DNHD1: variants seen among roughly 807,000 people sequenced by gnomAD.
The protein encoded by DNHD1 is dynein heavy chain domain-containing protein 1.
Under a neutral mutation model 458.1 loss-of-function variants are expected in DNHD1, and 383 were observed. That is an observed-to-expected ratio of 0.84 (90% CI 0.77 to 0.91). The LOEUF (loss-of-function observed/expected upper bound fraction) is 0.91. Ranked by LOEUF, DNHD1 falls within the 40% of genes least tolerant of loss-of-function variation. The pLI is 0.00. For missense variants in DNHD1, 5,336 were observed against 5,866.1 expected (o/e 0.91, Z 2.95); for synonymous variants, 2,203 against 2,376.9 (o/e 0.93, Z 2.13).
At chr11:6,569,158 G>A (rs1853780723) in intron 39 of DNHD1, among the ~76,000 whole-genome samples, 1 of 152,174 alleles carries the variant, frequency 6.6e-6, no homozygotes, top group Non-Finnish European at 1.5e-5. Flanking sequence ...TGAGGAGGGA[G>A]AAGTAAGGTT....
chr11:6,548,776 C>T lies in DNHD1; in HGVS notation c.7230C>T (p.Tyr2410=). The part of the protein sequence containing the change: ...VLVEPHHPYI[Y]SPIHPAFSSS... The stretch of plus-strand genomic sequence containing the variant: ...TAGAGCCACATCACCCTTACATATA[C>T]AGCCCCATCCACCCTGCCTTCAGTT... The change falls in exon 24 of 43, where the codon TAC becomes TAT. Residue 2410 remains tyrosine, a synonymous_variant. Transcript: ENST00000254579. The surrounding 1 kb of genome is among the most constrained non-coding windows in gnomAD (Gnocchi z 4.4). The T allele has an allele frequency of 1.3e-6, 2 of 1,551,662 alleles. No homozygotes were observed. Among genetic ancestry groups the T allele is most frequent in the East Asian group, 2.4e-5 (1 of 40,906 alleles).
chr11:6,543,789 G>A (rs773330750), intron 18 of DNHD1, among the ~76,000 whole-genome samples: 118 of 151,816 alleles, frequency 7.8e-4, no homozygotes, highest in African/African-American at 2.5e-3. Flanking sequence ...GTGAAACCCC[G>A]TCTCTACTAA....
In DNHD1 at chr11:6,551,865, A is replaced by T. The variant is rs756890694; in HGVS notation, c.7387+2932A>T. ...CTGAGGCAGGAGAATTGCTTGAACC[A>T]GGGAGGTGGAAGTTGCGGTGAGCTG... On this transcript the variant is annotated intron_variant, in intron 24 of 42. Transcript: ENST00000254579. Among the ~76,000 whole-genome samples, 10 of 134,060 alleles carry T rather than the reference A, an allele frequency of 7.5e-5. 2 individuals are homozygous for T. The highest frequency in any genetic ancestry group is 3.1e-4 in the African/African-American group (10 of 32,192). 87.9% of individuals were successfully genotyped at this position (134,060 alleles called of 152,430 possible).
Position 6,497,348 on chromosome 11 carries a change from G to C in DNHD1, c.-529+17G>C, listed in dbSNP as rs1406747497. 1 of 152,404 alleles carries C rather than the reference G, an allele frequency of 6.6e-6. No individual in the cohort carries two copies. The highest frequency in any genetic ancestry group is 1.5e-5 in the Non-Finnish European group (1 of 68,288). 9.4% of individuals were successfully genotyped at this position (152,404 alleles called of 1,614,324 possible). ...GAGCTGCGGGTGAGTCCTCGGCTCC[G>C]GATCCATTTCTCTTTGTTCCCTAGG... On this transcript the variant is annotated intron_variant, in intron 1 of 42. Coordinates refer to ENST00000254579, the MANE Select transcript of DNHD1 (RefSeq NM_144666.3).
intron 7 of DNHD1, among the ~76,000 whole-genome samples, chr11:6,515,385 C>T (rs1358372941): frequency 6.6e-6 from 1 of 152,066 alleles, no homozygotes; most frequent in Non-Finnish European, 1.5e-5. Context: ...TTTTTTCGTT[C>T]TTCAGGATCC....
chr11:6,559,643 C>T (rs1031904105), intron 28 of DNHD1, among the ~76,000 whole-genome samples: 54 of 152,218 alleles, frequency 3.5e-4, no homozygotes, highest in Non-Finnish European at 3.5e-4. Flanking sequence ...TAGAGTTATC[C>T]TCTTTTTCCA....
intron 33 of DNHD1, 81 bp from the exon 34 acceptor site, chr11:6,566,160 C>A: frequency 6.6e-7 from 1 of 1,517,446 alleles, no homozygotes; most frequent in South Asian, 1.3e-5. Context: ...GGAAGCTGGT[C>A]AGAGCCAGAC....
At chr11:6,535,675 AT>A in intron 14 of DNHD1, among the ~76,000 whole-genome samples, 1 of 152,348 alleles carries the variant, frequency 6.6e-6, no homozygotes, top group East Asian at 1.9e-4. Flanking sequence ...CGTAGTAATA[AT>A]AAATAGATAA....
chr11:6,503,113 C>T (rs1216488515), intron 4 of DNHD1, 187 bp downstream of exon 4: 31 of 572,850 alleles, frequency 5.4e-5, no homozygotes, highest in African/African-American at 1.9e-5. Flanking sequence ...CTCTCTACCT[C>T]CCCTTCACTC....
chr11:6,570,366 T>A lies in DNHD1; in HGVS notation c.13075T>A (p.Ser4359Thr). Residue 4359 changes from serine to threonine, a missense_variant, in exon 41 of 43, where the codon TCT (serine) becomes ACT (threonine). Coordinates refer to ENST00000254579, the MANE Select transcript of DNHD1 (RefSeq NM_144666.3). ...GSWVQPHTPQ[S>T]LLATLMPLPE... ...CTGGGTCCAGCCACACACACCTCAG[T>A]CTTTGCTGGCCACGCTCATGCCCCT... The A allele has an allele frequency of 6.2e-7, 1 of 1,611,448 alleles. No homozygotes were observed. The highest frequency in any genetic ancestry group is 1.1e-5 in the South Asian group (1 of 90,556).
intron 24 of DNHD1, among the ~76,000 whole-genome samples, chr11:6,553,609 C>G (rs1164294822): frequency 1.3e-5 from 2 of 151,772 alleles, no homozygotes; most frequent in Non-Finnish European, 2.9e-5. Context: ...TTTTTTAAAC[C>G]CCATAAAAAA....
In DNHD1 at chr11:6,565,914, C is replaced by T. The variant is rs1245271530; in HGVS notation, c.10976C>T (p.Pro3659Leu). 12 of 1,551,520 alleles carry T rather than the reference C, an allele frequency of 7.7e-6. No homozygotes were observed. Among genetic ancestry groups the T allele is most frequent in the Non-Finnish European group, 9.6e-6 (11 of 1,146,990 alleles). Residue 3659 changes from proline to leucine, a missense_variant, in exon 33 of 43, where the codon CCA becomes CTA. Coordinates refer to ENST00000254579, the MANE Select transcript of DNHD1 (RefSeq NM_144666.3). ...AAGCCAGCCTATGAGACTCAGCTTC[C>T]ATCCCTTCCCTACCTTAGTGTTCTT... Reference protein sequence around the residue: ...GSKPAYETQLPSLPYLSVLSG... With the variant: ...GSKPAYETQLLSLPYLSVLSG...
rs1342951015 is a variant in DNHD1, at chr11:6,557,081, C to T, written c.7786C>T (p.His2596Tyr). 2 of 1,551,772 alleles carry T rather than the reference C, an allele frequency of 1.3e-6. No homozygotes were observed. Among genetic ancestry groups the T allele is most frequent in the African/African-American group, 1.4e-5 (1 of 73,186 alleles). The part of the protein sequence containing the change: ...HYHFSLHSVS[H>Y]LLSSLQLLPN... ...CCACTTCTCCCTACACTCTGTGAGC[C>T]ACCTACTGAGCAGCCTGCAGCTGCT... The change falls in exon 25 of 43, where the codon CAC becomes TAC. Residue 2596 changes from histidine to tyrosine, a missense_variant. By Grantham distance (83) the His-to-Tyr change is moderately conservative. Around this residue, in one of 4 missense-constraint regions of DNHD1, gnomAD observed 3,932 missense variants for 4,365.6 expected, o/e 0.90. Coordinates refer to ENST00000254579, the MANE Select transcript of DNHD1 (RefSeq NM_144666.3).
At chr11:6,524,418 T>C (rs541762382) in intron 10 of DNHD1, among the ~76,000 whole-genome samples, 3 of 152,248 alleles carry the variant, frequency 2.0e-5, no homozygotes, top group Non-Finnish European at 2.9e-5. Flanking sequence ...AGTCCAGTTA[T>C]CTCTCCTTCC....
At position 6,544,773 on chromosome 11, in the gene DNHD1, A is replaced by T; in HGVS notation, c.3853-19A>T. 3 of 1,547,776 alleles carry T rather than the reference A, an allele frequency of 1.9e-6. No homozygotes were observed. The highest frequency in any genetic ancestry group is 2.6e-6 in the Non-Finnish European group (3 of 1,143,772). ...CCACTTCATATTGGCCCTCACTTTT[A>T]TCCTCTCCCTCACCACAGAACTCTC... On this transcript the variant is annotated intron_variant, in intron 20 of 42. Coordinates refer to ENST00000254579, the MANE Select transcript of DNHD1 (RefSeq NM_144666.3).
At chr11:6,561,245 G>A (rs1853581583) in intron 28 of DNHD1, among the ~76,000 whole-genome samples, 1 of 152,102 alleles carries the variant, frequency 6.6e-6, no homozygotes, top group Non-Finnish European at 1.5e-5. Flanking sequence ...AGACCAGCCT[G>A]GGCAACACAG....
Position 6,511,425 on chromosome 11 carries a change from G to T in DNHD1, c.1388G>T (p.Arg463Leu), listed in dbSNP as rs756479644. ...CTAAACCTCTGCACATCCATTCTTC[G>T]ACTGGTAAGAGGCTCTTAGTTTATT... ...RCLNLCTSIL[R>L]LVHEDTYHMQ... Residue 463 changes from arginine (R) to leucine (L), a missense_variant, in exon 7 of 43, where the codon CGA becomes CTA. Coordinates refer to ENST00000254579, the MANE Select transcript of DNHD1 (RefSeq NM_144666.3). 3 of 1,613,936 alleles carry T rather than the reference G, an allele frequency of 1.9e-6. No homozygotes were observed. Among genetic ancestry groups the T allele is most frequent in the South Asian group, 2.2e-5 (2 of 91,058 alleles).
chr11:6,567,191 A>G lies in DNHD1; in HGVS notation c.11682A>G (p.Pro3894=). 1 of 1,614,052 alleles carries G rather than the reference A, an allele frequency of 6.2e-7. No individual in the cohort carries two copies. The highest frequency in any genetic ancestry group is 8.5e-7 in the Non-Finnish European group (1 of 1,179,900). ...VTKQALDSMK[P]REINHGEDLA... The stretch of plus-strand genomic sequence containing the variant: ...AGCAGGCTCTGGACAGCATGAAGCC[A>G]CGTGAGATTAATCACGGGGAGGACC... The change falls in exon 36 of 43, where the codon CCA becomes CCG. Residue 3894 remains proline, a synonymous_variant. Transcript: ENST00000254579.
At chr11:6,553,111 CT>C (rs1288762215) in intron 24 of DNHD1, among the ~76,000 whole-genome samples, 2 of 152,166 alleles carry the variant, frequency 1.3e-5, no homozygotes, top group Non-Finnish European at 2.9e-5. Flanking sequence ...TAAATCCTCA[CT>C]GAAATATTAT....
Sources: allele counts gnomAD v4.1 joint callset (sites outside exome capture counted in the v4.1 genomes callset), GRCh38; gene constraint gnomAD v4.1.1; regional missense constraint gnomAD v4.1.1; non-coding constraint Gnocchi (gnomAD v3.1); transcripts MANE v1.5; gene names NCBI Gene and HGNC (gene_info 2026-07-23, HGNC 2026-07-21).